DCC: variants seen among roughly 807,000 people sequenced by gnomAD.
The protein encoded by DCC is netrin receptor DCC.
Under a neutral mutation model 172.5 loss-of-function variants are expected in DCC, and 58 were observed. That is an observed-to-expected ratio of 0.34 (90% CI 0.27 to 0.42). The LOEUF (loss-of-function observed/expected upper bound fraction) is 0.42. Among genes scored for constraint, DCC ranks in the 10% least tolerant of loss-of-function variants. DCC has a pLI of 1.00. For synonymous variants in DCC, 709 were observed against 644.5 expected, an observed-to-expected ratio of 1.10 and a Z score of -1.52; for missense variants, 1,740 against 1,791.0, an observed-to-expected ratio of 0.97 and a Z score of 0.51.
At chr18:52,907,051 C>T (rs1448012859) in intron 3 of DCC, among the ~76,000 whole-genome samples, 2 of 151,688 alleles carry the variant, frequency 1.3e-5, no homozygotes, top group Non-Finnish European at 2.9e-5. Flanking sequence ...ACTTACATTT[C>T]ATCTACCAGG....
intron 1 of DCC, among the ~76,000 whole-genome samples, chr18:52,382,976 A>G (rs911879361): frequency 6.6e-6 from 1 of 152,152 alleles, no homozygotes; most frequent in Non-Finnish European, 1.5e-5. Flanking sequence ...AATAAAATTT[A>G]GATTATTCCC....
intron 1 of DCC, among the ~76,000 whole-genome samples, chr18:52,589,388 A>G (rs1336176235): frequency 6.6e-6 from 1 of 152,214 alleles, no homozygotes; most frequent in Admixed American, 6.5e-5. Context: ...CAAATAACCT[A>G]AGTATATCCA....
At chr18:52,855,662 TA>T (rs1176806317) in intron 2 of DCC, among the ~76,000 whole-genome samples, 1 of 152,050 alleles carries the variant, frequency 6.6e-6, no homozygotes, top group Admixed American at 6.6e-5. Context: ...TTAAAGTTAA[TA>T]AGCCTGAGCA....
chr18:52,917,932 G>C (rs537407042), intron 3 of DCC, among the ~76,000 whole-genome samples: 12 of 152,266 alleles, frequency 7.9e-5, no homozygotes, highest in African/African-American at 2.9e-4. Flanking sequence ...TCACATTAAA[G>C]AGGTATGCTT....
At chr18:52,677,242 G>T (rs2047021202) in intron 1 of DCC, among the ~76,000 whole-genome samples, 1 of 152,060 alleles carries the variant, frequency 6.6e-6, no homozygotes, top group Non-Finnish European at 1.5e-5. Flanking sequence ...GGTATCATCA[G>T]AGCTAATACA....
intron 7 of DCC, among the ~76,000 whole-genome samples, chr18:53,092,995 G>T (rs552375886): frequency 1.3e-5 from 2 of 152,194 alleles, no homozygotes; most frequent in South Asian, 4.1e-4. Context: ...AGTGGGCCAG[G>T]TGTAATGACT....
intron 14 of DCC, among the ~76,000 whole-genome samples, chr18:53,323,996 A>C (rs2057439668): frequency 6.6e-6 from 1 of 152,206 alleles, no homozygotes; most frequent in East Asian, 1.9e-4. Context: ...AGGATGTCTA[A>C]GTCAATAACT....
rs370149715 is a variant in DCC at position 52,497,068 on chromosome 18, A to G, written c.91+156190A>G. On this transcript the variant is annotated intron_variant, in intron 1 of 28. Transcript: ENST00000442544. Reference sequence around the variant, plus strand: ...CAGAAGTTCAAGACCAGCCTGGACAACATGACAAGACTTCATCCCTTACAG... The same window carrying G: ...CAGAAGTTCAAGACCAGCCTGGACAGCATGACAAGACTTCATCCCTTACAG... Among the ~76,000 whole-genome samples, 53 of 151,548 alleles carry G rather than the reference A, an allele frequency of 3.5e-4. No homozygotes were observed. The East Asian group carries it at 3.5e-3, about 10-fold the overall frequency.
chr18:52,711,320 C>T (rs1286575349), intron 1 of DCC, among the ~76,000 whole-genome samples: 4 of 152,100 alleles, frequency 2.6e-5, no homozygotes, highest in South Asian at 2.1e-4. Context: ...CTCTGCCTCC[C>T]GGGTTCAAGT....
At chr18:53,232,995 C>A (rs2056146636) in intron 12 of DCC, among the ~76,000 whole-genome samples, 1 of 151,652 alleles carries the variant, frequency 6.6e-6, no homozygotes, top group South Asian at 2.1e-4. Flanking sequence ...TAAAACTGGA[C>A]CTTGTGGTTG....
chr18:53,500,897 A>G (rs538202428), intron 27 of DCC, among the ~76,000 whole-genome samples: 4 of 152,196 alleles, frequency 2.6e-5, no homozygotes, highest in East Asian at 1.9e-4. Flanking sequence ...CCTCCCATGC[A>G]TACACACTCC....
chr18:53,026,358 C>G (rs1777528476), intron 5 of DCC, among the ~76,000 whole-genome samples: 1 of 151,972 alleles, frequency 6.6e-6, no homozygotes, highest in South Asian at 2.1e-4. Flanking sequence ...GTCTTTTTAG[C>G]CATCACTTAA....
intron 8 of DCC, among the ~76,000 whole-genome samples, chr18:53,176,101 G>T (rs1473689210): frequency 1.4e-5 from 2 of 142,080 alleles, no homozygotes; most frequent in Non-Finnish European, 3.1e-5. Context: ...TTAATAAATG[G>T]TGCTGGGAAA....
rs1347888547 is a variant in DCC, at chr18:53,399,628, G to T, written c.2827+2182G>T. 8.1e-3 allele frequency among the ~76,000 whole-genome samples: 6 copies of T among 744 alleles called. 3 individuals are homozygous for T. The highest frequency in any genetic ancestry group is 0.5 in the Admixed American group (2 of 4). The allele number at this position is 744 out of a possible 152,430, so 0.5% of individuals were successfully genotyped here. A position where few individuals can be genotyped will look rare whatever the true frequency, so the allele number is the denominator to read the frequency against. On this transcript the variant is annotated intron_variant, in intron 18 of 28. Coordinates refer to ENST00000442544, the MANE Select transcript of DCC (RefSeq NM_005215.4). ...GAGCCAAAGAAATCAGAGGGGGCCG[G>T]GCGCGGTGGCTCACGCCTGTAATCC...
chr18:52,892,181 T>C (rs2039660375), intron 2 of DCC, among the ~76,000 whole-genome samples: 1 of 152,064 alleles, frequency 6.6e-6, no homozygotes, highest in African/African-American at 2.4e-5. Context: ...TCTTTTTAAG[T>C]TCATGGATAT....
At chr18:52,733,283 C>T (rs1038110620) in intron 1 of DCC, among the ~76,000 whole-genome samples, 1 of 152,154 alleles carries the variant, frequency 6.6e-6, no homozygotes, top group Non-Finnish European at 1.5e-5. Flanking sequence ...TCCTTTCTAA[C>T]ATGATTCACG....
At chr18:52,926,572 A>T (rs995440995) in intron 5 of DCC, among the ~76,000 whole-genome samples, 4 of 151,732 alleles carry the variant, frequency 2.6e-5, no homozygotes, top group Non-Finnish European at 5.9e-5. Flanking sequence ...GTTATGATGG[A>T]AATTGTATTG....
chr18:53,385,435 GTTC>G (rs1337297855), intron 15 of DCC, among the ~76,000 whole-genome samples: 1 of 152,160 alleles, frequency 6.6e-6, no homozygotes, highest in African/African-American at 2.4e-5. Flanking sequence ...AATTTTCATG[GTTC>G]TTCTTCTCCC....
rs539353832 is a variant in DCC, at chr18:52,783,721, ATG to A, written c.412+31355_412+31356del. Reference sequence around the variant, plus strand: ...TATATAGTGTGTATATATAGTATATATGTGTGTGTATGTACACACACACTTGT... The same window carrying A: ...TATATAGTGTGTATATATAGTATATATGTGTGTATGTACACACACACTTGT... On this transcript the variant is annotated intron_variant, in intron 2 of 28. Coordinates refer to ENST00000442544, the MANE Select transcript of DCC (RefSeq NM_005215.4). Among the ~76,000 whole-genome samples, 15 of 152,086 alleles carry A rather than the reference ATG, an allele frequency of 9.9e-5. No homozygotes were observed. In the South Asian group the frequency reaches 3.1e-3, roughly 31 times the overall value.
Sources: allele counts gnomAD v4.1 joint callset (sites outside exome capture counted in the v4.1 genomes callset), GRCh38; gene constraint gnomAD v4.1.1; transcripts MANE v1.5; gene names NCBI Gene and HGNC (gene_info 2026-07-23, HGNC 2026-07-21).